The following WWOX variants were observed in gnomAD, a reference collection of about 807,000 sequenced individuals.
The protein encoded by WWOX is WW domain-containing oxidoreductase.
In WWOX, 69 loss-of-function variants were observed where a neutral mutation model predicts 46.2. The ratio of observed to expected loss-of-function variants is 1.49; its 90% CI spans 1.23 to 1.82. WWOX has a LOEUF of 1.82. Ranked by LOEUF, WWOX falls within the 40% of genes most tolerant of loss-of-function variation. WWOX has a pLI of 0.00. For missense variants in WWOX, 919 were observed against 542.6 expected (o/e 1.69, Z -6.89); for synonymous variants, 359 against 202.6 (o/e 1.77, Z -6.56).
intron 8 of WWOX, among the ~76,000 whole-genome samples, chr16:79,062,469 C>G (rs563936047): frequency 4.6e-5 from 7 of 152,170 alleles, no homozygotes; most frequent in African/African-American, 1.7e-4. Context: ...CGGTGCCGTG[C>G]GGTGTAAATC....
chr16:78,876,126 T>C (rs1019083070), intron 8 of WWOX, among the ~76,000 whole-genome samples: 2 of 152,224 alleles, frequency 1.3e-5, no homozygotes, highest in African/African-American at 2.4e-5. Context: ...TACATGACTT[T>C]CTTACCTACG....
chr16:78,450,219 C>T (rs1054269630), intron 8 of WWOX, among the ~76,000 whole-genome samples: 1 of 152,092 alleles, frequency 6.6e-6, no homozygotes, highest in African/African-American at 2.4e-5. Context: ...CACATGGCAC[C>T]TTGTGTAGAA....
At chr16:78,556,056 C>T (rs1031913075) in intron 8 of WWOX, among the ~76,000 whole-genome samples, 5 of 152,020 alleles carry the variant, frequency 3.3e-5, no homozygotes, top group Admixed American at 6.5e-5. Flanking sequence ...TATTAATCAT[C>T]GCCCTCCATT....
At chr16:79,108,231 G>A (rs1243705216) in intron 8 of WWOX, among the ~76,000 whole-genome samples, 1 of 152,230 alleles carries the variant, frequency 6.6e-6, no homozygotes, top group African/African-American at 2.4e-5. Flanking sequence ...GCTTTGACTA[G>A]ACCCTCTTAC....
At chr16:78,509,451 ATAAT>A (rs1034873455) in intron 8 of WWOX, among the ~76,000 whole-genome samples, 6 of 146,738 alleles carry the variant, frequency 4.1e-5, no homozygotes, top group African/African-American at 1.2e-4. Flanking sequence ...AAAAAAAAAA[ATAAT>A]ATAATAATAA....
intron 8 of WWOX, chr16:78,552,732 A>T (rs2044203677): frequency 1.3e-5 from 2 of 152,210 alleles, no homozygotes; most frequent in South Asian, 4.1e-4. Flanking sequence ...TCATTTGTTC[A>T]TTTAATTACT....
intron 8 of WWOX, among the ~76,000 whole-genome samples, chr16:78,852,012 A>G (rs143351999): frequency 3.9e-5 from 6 of 152,294 alleles, no homozygotes; most frequent in African/African-American, 1.2e-4. Context: ...GGATCCTTGT[A>G]TAATACTGGC....
At chr16:78,929,159 G>C (rs2045565247) in intron 8 of WWOX, among the ~76,000 whole-genome samples, 1 of 152,088 alleles carries the variant, frequency 6.6e-6, no homozygotes, top group Non-Finnish European at 1.5e-5. Context: ...AACACGGTTT[G>C]GGGGTGATTT....
chr16:79,068,170 G>A (rs768963350), intron 8 of WWOX, among the ~76,000 whole-genome samples: 2 of 152,186 alleles, frequency 1.3e-5, no homozygotes, highest in Non-Finnish European at 2.9e-5. Context: ...ATTGAGGAGA[G>A]AGCATTGGGT....
intron 8 of WWOX, among the ~76,000 whole-genome samples, chr16:78,849,367 C>T (rs1046687476): frequency 2.0e-5 from 3 of 150,584 alleles, no homozygotes; most frequent in African/African-American, 7.3e-5. Context: ...GTCGGGAGAT[C>T]GAGACTATCC....
At chr16:78,717,048 C>T (rs997112549) in intron 8 of WWOX, among the ~76,000 whole-genome samples, 9 of 152,138 alleles carry the variant, frequency 5.9e-5, no homozygotes, top group African/African-American at 2.2e-4. Context: ...AATGTTTTCT[C>T]TGAAAAGTTT....
intron 6 of WWOX, among the ~76,000 whole-genome samples, chr16:78,411,775 G>C (rs1470761098): frequency 6.6e-6 from 1 of 152,208 alleles, no homozygotes; most frequent in Non-Finnish European, 1.5e-5. Context: ...AAAAGGAACA[G>C]AGCTAGAAAC....
intron 6 of WWOX, among the ~76,000 whole-genome samples, chr16:78,424,400 G>T (rs146955593): frequency 6.6e-6 from 1 of 152,112 alleles, no homozygotes; most frequent in African/African-American, 2.4e-5. Flanking sequence ...GATTACAGGC[G>T]TGAGCCCCCG....
chr16:78,679,159 C>T (rs1317828580), intron 8 of WWOX, among the ~76,000 whole-genome samples: 2 of 152,132 alleles, frequency 1.3e-5, no homozygotes, highest in East Asian at 3.9e-4. Flanking sequence ...ATTGTGTCCC[C>T]CAGTGACCTG....
At chr16:78,193,537 G>A (rs1251344308) in intron 5 of WWOX, among the ~76,000 whole-genome samples, 4 of 152,204 alleles carry the variant, frequency 2.6e-5, no homozygotes, top group Non-Finnish European at 4.4e-5. Flanking sequence ...GGCACAAGTA[G>A]GAAATGCCTG....
At chr16:78,970,226 A>C (rs919270349) in intron 8 of WWOX, among the ~76,000 whole-genome samples, 2 of 152,100 alleles carry the variant, frequency 1.3e-5, no homozygotes, top group African/African-American at 4.8e-5. Flanking sequence ...TTTGATAACC[A>C]CAGCACGGTG....
At chr16:78,400,783 G>C (rs937148724) in intron 6 of WWOX, among the ~76,000 whole-genome samples, 1 of 151,912 alleles carries the variant, frequency 6.6e-6, no homozygotes, top group Non-Finnish European at 1.5e-5. Context: ...TGAATACACT[G>C]TTACCCCTCA....
chr16:78,234,172 A>G (rs2037362547), intron 5 of WWOX, among the ~76,000 whole-genome samples: 1 of 151,756 alleles, frequency 6.6e-6, no homozygotes. Flanking sequence ...GTACATAGCT[A>G]TTCCATCTTT....
At chr16:78,586,330 G>C (rs2045207084) in intron 8 of WWOX, among the ~76,000 whole-genome samples, 1 of 152,184 alleles carries the variant, frequency 6.6e-6, no homozygotes, top group Non-Finnish European at 1.5e-5. Flanking sequence ...AGGACGCCAT[G>C]AAATAATTAC....
Sources: gnomAD v4.1 joint callset for allele counts (sites outside exome capture counted in the v4.1 genomes callset) on GRCh38, gnomAD v4.1.1 for gene constraint, MANE v1.5 for transcripts, NCBI Gene and HGNC (gene_info 2026-07-23, HGNC 2026-07-21) for gene names.